RPL6: variants seen among roughly 807,000 people sequenced by gnomAD.
The protein encoded by RPL6 is ribosomal protein L6.
In RPL6, 1 loss-of-function variant was observed where a neutral mutation model predicts 32.1. The ratio of observed to expected loss-of-function variants is 0.03; its 90% confidence interval spans 0.01 to 0.15. The LOEUF is 0.15. RPL6 is among the 10% of genes least tolerant of loss of function. The probability of loss-of-function intolerance (pLI) is 1.00; values close to 1 mark genes in which losing one functional copy is unlikely to be tolerated. For missense variants in RPL6, 275 were observed against 354.6 expected, an observed-to-expected ratio of 0.78 and a Z score of 1.80; for synonymous variants, 126 against 131.6, an observed-to-expected ratio of 0.96 and a Z score of 0.29.
At chr12:112,414,201 A>G (rs1197763602), upstream of RPL6, among the ~76,000 whole-genome samples, 1 of 152,232 alleles carries the variant, frequency 6.6e-6, no homozygotes, top group African/African-American at 2.4e-5. Flanking sequence ...AGAAACTGCT[A>G]GATTATGTGA....
chr12:112,407,686 C>T (rs2037215433), intron 3 of RPL6: 2 of 154,614 alleles, frequency 1.3e-5, no homozygotes, highest in Admixed American at 1.3e-4. Flanking sequence ...TTCTATAGAA[C>T]AGGCTATGTA....
intron 6 of RPL6, 132 bp downstream of exon 6, chr12:112,405,721 G>A (rs2037141291): frequency 3.9e-6 from 3 of 771,124 alleles, no homozygotes; most frequent in Non-Finnish European, 4.1e-6. Context: ...AGAAGAATCT[G>A]GAATACTAAG....
chr12:112,412,897 C>G (rs1286852740), upstream of RPL6, among the ~76,000 whole-genome samples: 2 of 151,526 alleles, frequency 1.3e-5, no homozygotes, highest in Non-Finnish European at 2.9e-5. Context: ...GCACTCCAGC[C>G]TGGGCCACAC....
chr12:112,408,495 A>G lies in RPL6; in HGVS notation c.162T>C (p.Ile54=). 6.2e-7 allele frequency: 1 copy of G among 1,613,918 alleles called. No homozygotes were observed. Among genetic ancestry groups the G allele is most frequent in the Non-Finnish European group, 8.5e-7 (1 of 1,180,008 alleles). ...CSRNPVLVRG[I]GRYSRSAMYS... is the part of the protein sequence containing the mutation. The stretch of plus-strand genomic sequence containing the variant: ...ACATGGCAGATCGGGAATACCTGCC[A>G]ATTCCTCTGACAAGGACAGGGTTGC... The change falls in exon 2 of 7, where the codon ATT becomes ATC. Residue 54 remains isoleucine (I), a synonymous_variant. Transcript: ENST00000202773.
In RPL6 at chr12:112,406,774, G is replaced by A; in HGVS notation, c.453C>T (p.Ile151=). Residue 151 remains isoleucine (I), a synonymous_variant, in exon 4 of 7, where the codon ATC becomes ATT. Coordinates refer to ENST00000202773, the MANE Select transcript of RPL6 (RefSeq NM_000970.6). ...RASITPGTIL[I]ILTGRHRGKR... ...TGCCCCTGTGGCGTCCAGTGAGGATGATCAGAATGGTCCCGGGGGTAATGC... is the reference window on the plus strand; with the variant it reads ...TGCCCCTGTGGCGTCCAGTGAGGATAATCAGAATGGTCCCGGGGGTAATGC... The A allele has an allele frequency of 6.2e-7, 1 of 1,614,244 alleles. No homozygotes were observed. The highest frequency in any genetic ancestry group is 1.3e-5 in the African/African-American group (1 of 75,080).
rs1466458634 is a variant in RPL6, at chr12:112,405,864, T to C, written c.703A>G (p.Thr235Ala). 1.2e-6 allele frequency: 2 copies of C among 1,611,910 alleles called. No individual in the cohort carries two copies. The highest frequency in any genetic ancestry group is 1.3e-5 in the African/African-American group (1 of 74,854). ...PRHQEGEIFD[T>A]EKEKYEITEQ... ...AAGTAGAAACTTACCTCTTTTTCTG[T>C]GTCGAAGATCTCACCTTCCTGGTGT... The change falls in exon 6 of 7, where the codon ACA (threonine) becomes GCA (alanine). Residue 235 changes from threonine to alanine, a missense_variant. Transcript: ENST00000202773.
upstream of RPL6, chr12:112,409,709 G>GA (rs2037303370): frequency 1.8e-5 from 7 of 385,666 alleles, no homozygotes; most frequent in East Asian, 2.6e-4. Flanking sequence ...TCCCCGTTAA[G>GA]AAAAAAGTAG....
chr12:112,416,913 G>T (rs1268188682), intron 1 of RPL6, among the ~76,000 whole-genome samples: 2 of 152,146 alleles, frequency 1.3e-5, no homozygotes, highest in Admixed American at 1.3e-4. Flanking sequence ...TCTTTGTAAG[G>T]AGCACATGAT....
rs756136287 is a variant in RPL6 at position 112,406,818 on chromosome 12, C to T, written c.409G>A (p.Val137Met). ...GTAATGCTGGCTCGCAGTTTTCTCA[C>T]GTGCTGACTGAAGGGTTTTTTGCCG... ...SHGKKPFSQH[V>M]RKLRASITPG... Residue 137 changes from valine (V) to methionine (M), a missense_variant, in exon 4 of 7, where the codon GTG becomes ATG. By Grantham distance (21) the Val-to-Met change is conservative (BLOSUM62 1). Coordinates refer to ENST00000202773, the MANE Select transcript of RPL6 (RefSeq NM_000970.6). 9.3e-6 allele frequency: 15 copies of T among 1,614,212 alleles called. No homozygotes were observed. Among genetic ancestry groups the T allele is most frequent in the Admixed American group, 5.0e-5 (3 of 60,024 alleles).
chr12:112,407,409 A>G (rs1002594077), intron 3 of RPL6: 1 of 154,064 alleles, frequency 6.5e-6, no homozygotes, highest in Admixed American at 6.4e-5. Flanking sequence ...ACATGACTAC[A>G]AATAACTCAC....
Position 112,405,488 on chromosome 12 carries a change from A to G in RPL6, c.715-112T>C, listed in dbSNP as rs1241405032. 7 of 1,094,082 alleles carry G rather than the reference A, an allele frequency of 6.4e-6. No homozygotes were observed. The African/African-American group carries it at 8.0e-5, about 13-fold the overall frequency. 67.8% of individuals were successfully genotyped at this position (1,094,082 alleles called of 1,614,324 possible). Reference sequence around the variant, plus strand: ...TAATCCCCAAGAATATTTAGAAAACATTAAAGACAATTTTGACAATCCTTT... The same window carrying G: ...TAATCCCCAAGAATATTTAGAAAACGTTAAAGACAATTTTGACAATCCTTT... On this transcript the variant is annotated intron_variant, in intron 6 of 6. Coordinates refer to ENST00000202773, the MANE Select transcript of RPL6 (RefSeq NM_000970.6).
chr12:112,409,532 G>C (rs1207409707), intron 1 of RPL6, 55 bp downstream of exon 1: 2 of 398,468 alleles, frequency 5.0e-6, no homozygotes, highest in East Asian at 3.6e-5. Flanking sequence ...GGTTCGGATG[G>C]CGAAGGATTG....
upstream of RPL6, among the ~76,000 whole-genome samples, chr12:112,411,124 T>G (rs1299126745): frequency 6.6e-6 from 1 of 152,242 alleles, no homozygotes; most frequent in African/African-American, 2.4e-5. Context: ...GATTGCACTC[T>G]TAACCATTAG....
At chr12:112,418,772 CTG>C (rs987977948) in exon 1 of RPL6, 3 of 420,202 alleles carry the variant, frequency 7.1e-6, no homozygotes, top group Admixed American at 4.9e-5. Context: ...GCTTTGGACA[CTG>C]TGCGTGGCGC....
chr12:112,408,193 T>C lies in RPL6; in HGVS notation c.336+47A>G, dbSNP rs764180601. 6 of 1,345,360 alleles carry C rather than the reference T, an allele frequency of 4.5e-6. No individual in the cohort carries two copies. The South Asian group carries it at 4.9e-5, about 11-fold the overall frequency. The allele number at this position is 1,345,360 out of a possible 1,614,324, so 83.3% of individuals were successfully genotyped here. On this transcript the variant is annotated intron_variant, in intron 3 of 6. Transcript: ENST00000202773. ...TAAGTATTCAAAAACATCTTCACAG[T>C]ATTCAAGCATAAACAGAAAATCCAA...
chr12:112,407,681 TAGAAC>T (rs1221272752), intron 3 of RPL6: 1 of 154,598 alleles, frequency 6.5e-6, no homozygotes, highest in Non-Finnish European at 1.4e-5. Flanking sequence ...AAATGTTCTA[TAGAAC>T]AGGCTATGTA....
chr12:112,410,229 G>T, upstream of RPL6: 1 of 211,530 alleles, frequency 4.7e-6, no homozygotes, highest in Non-Finnish European at 1.0e-5. Flanking sequence ...TAAGGCGGGA[G>T]GATCACTTGA....
Position 112,408,104 on chromosome 12 carries a change from T to C in RPL6, c.336+136A>G, listed in dbSNP as rs190691368. Reference sequence around the variant, plus strand: ...ATTAACAGTAAATGTTGAAGCCAAGTTACAAACCCAGAGCCCTTTATTTTC... The same window carrying C: ...ATTAACAGTAAATGTTGAAGCCAAGCTACAAACCCAGAGCCCTTTATTTTC... On this transcript the variant is annotated intron_variant, in intron 3 of 6. Transcript: ENST00000202773. 2.6e-5 allele frequency: 17 copies of C among 653,442 alleles called. No individual in the cohort carries two copies. In the East Asian group the frequency reaches 4.6e-4, roughly 18 times the overall value. The allele number at this position is 653,442 out of a possible 1,614,324, so 40.5% of individuals were successfully genotyped here.
At chr12:112,414,269 C>T (rs2037376357), upstream of RPL6, among the ~76,000 whole-genome samples, 1 of 152,232 alleles carries the variant, frequency 6.6e-6, no homozygotes, top group South Asian at 2.1e-4. Context: ...AGGAGTTCAA[C>T]TTAATGCTAG....
Sources: allele counts gnomAD v4.1 joint callset (sites outside exome capture counted in the v4.1 genomes callset), GRCh38; gene constraint gnomAD v4.1.1; transcripts MANE v1.5; gene names NCBI Gene and HGNC (gene_info 2026-07-23, HGNC 2026-07-21).